Variants in MSI2 observed in about 807,000 individuals in gnomAD.
MSI2 encodes the protein musashi RNA binding protein 2.
In MSI2, 17 loss-of-function variants were observed where a neutral mutation model predicts 45.6. That is an observed-to-expected ratio of 0.37 (90% CI 0.26 to 0.56). MSI2 has a LOEUF of 0.56. Among genes scored for constraint, MSI2 ranks in the 20% least tolerant of loss-of-function variants. The pLI, the probability that MSI2 is intolerant of heterozygous loss-of-function variation, is 0.77. For synonymous variants in MSI2, 156 were observed against 158.2 expected (o/e 0.99, Z 0.11); for missense variants, 293 against 444.2 (o/e 0.66, Z 3.06).
intron 6 of MSI2, among the ~76,000 whole-genome samples, chr17:57,404,447 C>T (rs920345677): frequency 6.6e-6 from 1 of 152,170 alleles, no homozygotes; most frequent in Non-Finnish European, 1.5e-5. Flanking sequence ...ATATTGGTAT[C>T]CTCCAGTCTA....
At chr17:57,577,963 C>T (rs1022041420) in intron 7 of MSI2, among the ~76,000 whole-genome samples, 1 of 152,188 alleles carries the variant, frequency 6.6e-6, no homozygotes, top group Non-Finnish European at 1.5e-5. Flanking sequence ...TTTGGAAAAA[C>T]AGCCAAGTGT....
intron 7 of MSI2, among the ~76,000 whole-genome samples, chr17:57,592,480 T>C (rs920768722): frequency 4.6e-5 from 7 of 152,194 alleles, no homozygotes; most frequent in Non-Finnish European, 7.4e-5. Context: ...TTTCCCCAAA[T>C]GGAATAAATA....
chr17:57,542,485 T>C (rs938519496), intron 7 of MSI2, among the ~76,000 whole-genome samples: 2 of 152,260 alleles, frequency 1.3e-5, no homozygotes, highest in African/African-American at 4.8e-5. Context: ...TCATGTTAGA[T>C]GTTGGAATTG....
In MSI2 at chr17:57,683,034, C is replaced by T. The variant is rs1567977637; in HGVS notation, c.*3517C>T. 1 of 229,850 alleles carries T rather than the reference C, an allele frequency of 4.4e-6. No individual in the cohort carries two copies. The highest frequency in any genetic ancestry group is 8.6e-6 in the Non-Finnish European group (1 of 115,910). 14.2% of individuals were successfully genotyped at this position (229,850 alleles called of 1,614,324 possible). On this transcript the variant is annotated 3_prime_UTR_variant, in exon 14 of 14. Coordinates refer to ENST00000284073, the MANE Select transcript of MSI2 (RefSeq NM_138962.4). This position sits in a 1 kb window ranked among gnomAD's most constrained non-coding sequence, Gnocchi z 5.2. ...TCGCGCTCTATACCAAACAGCCTCG[C>T]GCTCTATCCCAGTCGCCCATTAGCT... is the stretch of plus-strand genomic sequence containing the variant.
At chr17:57,453,905 C>T (rs2085064326) in intron 6 of MSI2, among the ~76,000 whole-genome samples, 1 of 152,216 alleles carries the variant, frequency 6.6e-6, no homozygotes, top group African/African-American at 2.4e-5. Flanking sequence ...GAGCCAGGAT[C>T]CAAACTGCCT....
At chr17:57,412,647 G>A (rs1438266466) in intron 6 of MSI2, among the ~76,000 whole-genome samples, 1 of 152,194 alleles carries the variant, frequency 6.6e-6, no homozygotes, top group African/African-American at 2.4e-5. Context: ...ATTCAGTTCT[G>A]CCATGCTATC....
rs529278391 is a variant in MSI2, at chr17:57,456,381, G to A, written c.405+54910G>A. 1.2e-4 allele frequency among the ~76,000 whole-genome samples: 18 copies of A among 152,270 alleles called. No homozygotes were observed. In the South Asian group the frequency reaches 2.7e-3, roughly 23 times the overall value. On this transcript the variant is annotated intron_variant, in intron 6 of 13. Coordinates refer to ENST00000284073, the MANE Select transcript of MSI2 (RefSeq NM_138962.4). Reference sequence around the variant, plus strand: ...TCCCAGCACTTTGGGAGGCCAAGGCGGGTGGATCACGAGATCAGGAGTTCA... The same window carrying A: ...TCCCAGCACTTTGGGAGGCCAAGGCAGGTGGATCACGAGATCAGGAGTTCA...
intron 6 of MSI2, among the ~76,000 whole-genome samples, chr17:57,496,726 G>A (rs1478730222): frequency 6.6e-6 from 1 of 152,222 alleles, no homozygotes; most frequent in Non-Finnish European, 1.5e-5. Flanking sequence ...AAGTCTGAGG[G>A]TGAAGGGTGG....
intron 7 of MSI2, among the ~76,000 whole-genome samples, chr17:57,587,558 C>A (rs750065272): frequency 1.4e-5 from 2 of 139,156 alleles, no homozygotes; most frequent in Non-Finnish European, 3.1e-5. Flanking sequence ...CCCCACCCAA[C>A]TCCCCCCAGC....
At chr17:57,592,935 G>T (rs2144431473) in intron 7 of MSI2, among the ~76,000 whole-genome samples, 1 of 152,310 alleles carries the variant, frequency 6.6e-6, no homozygotes, top group Admixed American at 6.5e-5. Flanking sequence ...CAGCAGGAAA[G>T]CAGCTTCCAT....
chr17:57,584,860 C>CT (rs545249240), intron 7 of MSI2, among the ~76,000 whole-genome samples: 183 of 151,672 alleles, frequency 1.2e-3, no homozygotes, highest in African/African-American at 4.2e-3. Context: ...CTCGCTCTGT[C>CT]ACCCAGGCTA....
chr17:57,260,551 G>A (rs1283707205), intron 4 of MSI2, among the ~76,000 whole-genome samples: 3 of 152,130 alleles, frequency 2.0e-5, no homozygotes, highest in Non-Finnish European at 4.4e-5. Flanking sequence ...TCTGTCTTAC[G>A]TACGTCAACA....
intron 6 of MSI2, among the ~76,000 whole-genome samples, chr17:57,521,721 G>A (rs766425171): frequency 1.1e-3 from 173 of 152,004 alleles, no homozygotes; most frequent in Non-Finnish European, 1.6e-3. Context: ...GGTGGGTCTC[G>A]GCCTTGGCTG....
rs551590759 is a variant in MSI2 at position 57,627,699 on chromosome 17, A to G, written c.727+396A>G. The G allele has an allele frequency of 8.0e-5, 20 of 250,308 alleles. No homozygotes were observed. Among genetic ancestry groups the G allele is most frequent in the African/African-American group, 3.6e-4 (16 of 43,948 alleles). The allele number at this position is 250,308 out of a possible 1,614,324, so 15.5% of individuals were successfully genotyped here. On this transcript the variant is annotated intron_variant, in intron 10 of 13. Transcript: ENST00000284073. The surrounding 1 kb of genome is among the most constrained non-coding windows in gnomAD (Gnocchi z 4.6). The stretch of plus-strand genomic sequence containing the variant: ...CCCGCTCCCTGTGTCCACCTGCCCA[A>G]TGTTTGATGTCTCCCCGCCCTTGCT...
At chr17:57,292,909 G>A (rs1910545624) in intron 5 of MSI2, among the ~76,000 whole-genome samples, 1 of 152,090 alleles carries the variant, frequency 6.6e-6, no homozygotes, top group African/African-American at 2.4e-5. Flanking sequence ...AAACCCGCTA[G>A]ACGAAAACCC....
chr17:57,700,271 T>C, the MSI2 span, among the ~76,000 whole-genome samples: 1 of 152,312 alleles, frequency 6.6e-6, no homozygotes, highest in South Asian at 2.1e-4. Flanking sequence ...TGCCGGCTTG[T>C]GTAAAGTAGA....
At chr17:57,304,766 T>G (rs1047380828) in intron 5 of MSI2, among the ~76,000 whole-genome samples, 4 of 152,104 alleles carry the variant, frequency 2.6e-5, no homozygotes, top group African/African-American at 9.7e-5. Flanking sequence ...CTCCCTGAGA[T>G]TCACTATTTG....
intron 6 of MSI2, among the ~76,000 whole-genome samples, chr17:57,427,398 C>CA (rs10709099): frequency 6.0e-5 from 9 of 149,714 alleles, no homozygotes; most frequent in Admixed American, 2.0e-4. Context: ...ACTCTGTCTC[C>CA]AAAAAAAAAA....
At chr17:57,351,337 A>G (rs768809610) in intron 5 of MSI2, among the ~76,000 whole-genome samples, 25 of 152,112 alleles carry the variant, frequency 1.6e-4, no homozygotes, top group Non-Finnish European at 7.4e-5. Context: ...GGCCCATCAT[A>G]GTGGGGTGCT....
Sources: gnomAD v4.1 joint callset for allele counts (sites outside exome capture counted in the v4.1 genomes callset) on GRCh38, gnomAD v4.1.1 for gene constraint, Gnocchi (gnomAD v3.1) non-coding constraint, MANE v1.5 for transcripts, NCBI Gene and HGNC (gene_info 2026-07-23, HGNC 2026-07-21) for gene names.